ADGRG6: variants seen among roughly 807,000 people sequenced by gnomAD.
ADGRG6 encodes G-protein coupled receptor 126.
Under a neutral mutation model 142.4 loss-of-function variants are expected in ADGRG6, and 84 were observed. The observed-to-expected ratio is 0.59, with a 90% CI of 0.49 to 0.71. ADGRG6 has a LOEUF of 0.71. ADGRG6 is among the 30% of genes least tolerant of loss of function. The pLI is 0.00. For missense variants in ADGRG6, 1,367 were observed against 1,466.6 expected (o/e 0.93, Z 1.11); for synonymous variants, 521 against 520.5 (o/e 1.00, Z -0.01).
At chr6:142,439,505 T>C (rs1260463860) in intron 24 of ADGRG6, among the ~76,000 whole-genome samples, 3 of 152,222 alleles carry the variant, frequency 2.0e-5, no homozygotes, top group Non-Finnish European at 4.4e-5. Context: ...TTTGAATCCA[T>C]ATACATGCCC....
chr6:142,339,216 C>T (rs534310678), intron 2 of ADGRG6, among the ~76,000 whole-genome samples: 4 of 152,236 alleles, frequency 2.6e-5, no homozygotes, highest in South Asian at 2.1e-4. Context: ...TCACTTATCA[C>T]GGGTCAATAA....
chr6:142,440,899 A>C, intron 24 of ADGRG6: 1 of 1,363,750 alleles, frequency 7.3e-7, no homozygotes, highest in Non-Finnish European at 1.0e-6. Context: ...TCATATGTTT[A>C]TGGTATAGAT....
rs1431603685 is a variant in ADGRG6, at chr6:142,445,637, T to G, written c.*2122T>G. Reference sequence around the variant, plus strand: ...TTTCAATAACCAGATGAGAAAAAAATTAAGAAATTGCTCAAGGGAAACATT... The same window carrying G: ...TTTCAATAACCAGATGAGAAAAAAAGTAAGAAATTGCTCAAGGGAAACATT... On this transcript the variant is annotated 3_prime_UTR_variant, in exon 25 of 25. Transcript: ENST00000367609. The G allele has an allele frequency of 1.3e-5, 2 of 152,120 alleles. No homozygotes were observed. Among genetic ancestry groups the G allele is most frequent in the East Asian group, 1.9e-4 (1 of 5,192 alleles). The allele number at this position is 152,120 out of a possible 1,614,324, so 9.4% of individuals were successfully genotyped here.
intron 9 of ADGRG6, 21 bp from the exon 10 acceptor site, chr6:142,397,592 C>T: frequency 6.2e-6 from 10 of 1,604,970 alleles, no homozygotes; most frequent in Non-Finnish European, 8.5e-6. Context: ...AACAACAGTT[C>T]TATCCGAAAT....
At chr6:142,324,058 T>G (rs1778646045) in intron 2 of ADGRG6, among the ~76,000 whole-genome samples, 1 of 152,124 alleles carries the variant, frequency 6.6e-6, no homozygotes, top group Non-Finnish European at 1.5e-5. Flanking sequence ...CCTCCAGACT[T>G]CTTTGAGATC....
chr6:142,412,308 A>G (rs959218058), intron 18 of ADGRG6, among the ~76,000 whole-genome samples: 2 of 152,246 alleles, frequency 1.3e-5, no homozygotes, highest in East Asian at 3.9e-4. Flanking sequence ...GTTTTTTAAT[A>G]GGAGATAGGA....
At chr6:142,442,473 G>A (rs1195460986) in intron 24 of ADGRG6, among the ~76,000 whole-genome samples, 2 of 152,034 alleles carry the variant, frequency 1.3e-5, no homozygotes, top group Admixed American at 6.6e-5. Flanking sequence ...AAGCTTTTGT[G>A]TATAGGGAAA....
At chr6:142,442,413 G>T (rs1777799477) in intron 24 of ADGRG6, among the ~76,000 whole-genome samples, 1 of 152,106 alleles carries the variant, frequency 6.6e-6, no homozygotes, top group African/African-American at 2.4e-5. Context: ...CGTCTTTATA[G>T]ATAATAGAGC....
At chr6:142,411,194 A>T in intron 17 of ADGRG6, 111 bp from the exon 18 acceptor site, 1 of 659,422 alleles carries the variant, frequency 1.5e-6, no homozygotes, top group South Asian at 1.8e-5. Flanking sequence ...TTTACAGATA[A>T]ACTCTGTATG....
At position 142,370,941 on chromosome 6, in the gene ADGRG6, C is replaced by A. The variant is rs9496354; in HGVS notation, c.1069+148C>A. 4,179 of 838,458 alleles carry A rather than the reference C, an allele frequency of 5.0e-3. 123 individuals are homozygous for A. In the African/African-American group the frequency reaches 0.059, roughly 12 times the overall value. The allele number at this position is 838,458 out of a possible 1,614,324, so 51.9% of individuals were successfully genotyped here. A position where few individuals can be genotyped will look rare whatever the true frequency, so the allele number is the denominator to read the frequency against. ...ATATATATATGTTGTCATTAAAAAG[C>A]TCTTTTAATTTTTAAAATGTCGTCT... is the stretch of plus-strand genomic sequence containing the variant. On this transcript the variant is annotated intron_variant, in intron 4 of 24. Transcript: ENST00000367609.
chr6:142,392,191 G>A (rs1270685278), intron 7 of ADGRG6, among the ~76,000 whole-genome samples: 1 of 151,884 alleles, frequency 6.6e-6, no homozygotes, highest in Non-Finnish European at 1.5e-5. Context: ...GGCTAAATGT[G>A]TGTATGAAAC....
intron 24 of ADGRG6, among the ~76,000 whole-genome samples, chr6:142,439,522 C>G (rs952637667): frequency 2.0e-5 from 3 of 152,140 alleles, no homozygotes; most frequent in Non-Finnish European, 4.4e-5. Context: ...GCCCTGTTTG[C>G]ACCGTTTTCT....
intron 2 of ADGRG6, among the ~76,000 whole-genome samples, chr6:142,329,007 C>T (rs1428081864): frequency 6.6e-6 from 1 of 152,098 alleles, no homozygotes; most frequent in Non-Finnish European, 1.5e-5. Context: ...TGTGTGGGCT[C>T]TGAAGATGAA....
intron 1 of ADGRG6, among the ~76,000 whole-genome samples, chr6:142,305,429 TAC>T (rs5880531): frequency 0.15 from 18,614 of 120,370 alleles, 1,655 homozygotes; most frequent in South Asian, 0.27. Context: ...GCCCCTCCTG[TAC>T]ACACACACAC....
rs1445957884 is a variant in ADGRG6, at chr6:142,444,658, AAGAT to A, written c.*1148_*1151del. Reference sequence around the variant, plus strand: ...ATATAAGAGCCTGAGGAGGTCTGGCAAGATAGATGGTGTATTATTTATGGATCAG... The same window carrying A: ...ATATAAGAGCCTGAGGAGGTCTGGCAAGATGGTGTATTATTTATGGATCAG... On this transcript the variant is annotated 3_prime_UTR_variant, in exon 25 of 25. Coordinates refer to ENST00000367609, the MANE Select transcript of ADGRG6 (RefSeq NM_198569.3). 2 of 152,298 alleles carry A rather than the reference AAGAT, an allele frequency of 1.3e-5. No homozygotes were observed. The highest frequency in any genetic ancestry group is 2.9e-5 in the Non-Finnish European group (2 of 68,036). 9.4% of individuals were successfully genotyped at this position (152,298 alleles called of 1,614,324 possible).
rs1372783031 is a variant in ADGRG6, at chr6:142,329,623, A to G, written c.103+19979A>G. Among the ~76,000 whole-genome samples the G allele has an allele frequency of 3.3e-5, 5 of 152,242 alleles. No individual in the cohort carries two copies. The East Asian group carries it at 9.7e-4, about 29-fold the overall frequency. ...TTCCCCCTTCCCTTAGTGAATAATCATTGTTTGTAGAAAAAGCTCCCATCA... is the reference window on the plus strand; with the variant it reads ...TTCCCCCTTCCCTTAGTGAATAATCGTTGTTTGTAGAAAAAGCTCCCATCA... On this transcript the variant is annotated intron_variant, in intron 2 of 24. Transcript: ENST00000367609.
At position 142,358,511 on chromosome 6, in the gene ADGRG6, C is replaced by T. The variant is rs116287395; in HGVS notation, c.104-9058C>T. 7.8e-3 allele frequency among the ~76,000 whole-genome samples: 1,194 copies of T among 152,280 alleles called. 12 individuals are homozygous for T. The highest frequency in any genetic ancestry group is 0.027 in the African/African-American group (1,116 of 41,558). On this transcript the variant is annotated intron_variant, in intron 2 of 24. Transcript: ENST00000367609. ...GCTTGCTAGCTTTTGTCTTTCTTCT[C>T]GTCATTTGTCAGGTCCTTAGAATTG... is the stretch of plus-strand genomic sequence containing the variant.
At chr6:142,406,585 G>A (rs1201247900) in intron 15 of ADGRG6, among the ~76,000 whole-genome samples, 1 of 152,306 alleles carries the variant, frequency 6.6e-6, no homozygotes, top group Non-Finnish European at 1.5e-5. Context: ...GTCATGTGTA[G>A]AGGAGCAGCC....
At chr6:142,358,136 T>G (rs1780542221) in intron 2 of ADGRG6, among the ~76,000 whole-genome samples, 1 of 152,214 alleles carries the variant, frequency 6.6e-6, no homozygotes, top group African/African-American at 2.4e-5. Context: ...CATTCTCTAC[T>G]TATGTTGGTA....
Sources: allele counts gnomAD v4.1 joint callset (sites outside exome capture counted in the v4.1 genomes callset), GRCh38; gene constraint gnomAD v4.1.1; transcripts MANE v1.5; gene names NCBI Gene and HGNC (gene_info 2026-07-23, HGNC 2026-07-21).